The following RBFOX1 variants were observed in gnomAD, a reference collection of about 807,000 sequenced individuals.
The protein encoded by RBFOX1 is RNA binding fox-1 homolog 1.
A neutral mutation model predicts 57.7 loss-of-function variants in RBFOX1; 8 were observed. That is an observed-to-expected ratio of 0.14 (90% CI 0.08 to 0.25). RBFOX1 has a LOEUF of 0.25. Among genes scored for constraint, RBFOX1 ranks in the 10% least tolerant of loss-of-function variants. RBFOX1 has a pLI of 1.00. For synonymous variants in RBFOX1, 326 were observed against 222.4 expected (o/e 1.47, Z -4.15); for missense variants, 611 against 548.5 (o/e 1.11, Z -1.14).
intron 3 of RBFOX1, among the ~76,000 whole-genome samples, chr16:6,663,773 G>T (rs975432933): frequency 2.0e-5 from 3 of 152,234 alleles, no homozygotes; most frequent in African/African-American, 7.2e-5. Flanking sequence ...GAGCATCCCT[G>T]AGAAAGGGTA....
chr16:6,517,376 C>T (rs1002760729), intron 2 of RBFOX1, among the ~76,000 whole-genome samples: 3 of 152,240 alleles, frequency 2.0e-5, no homozygotes, highest in African/African-American at 4.8e-5. Context: ...ACTGGAGGGT[C>T]GTCAATTAAT....
intron 14 of RBFOX1, among the ~76,000 whole-genome samples, chr16:7,699,115 G>A (rs191225224): frequency 4.1e-4 from 62 of 152,266 alleles, no homozygotes; most frequent in African/African-American, 1.4e-3. Flanking sequence ...CTGGAAATCT[G>A]CATTCTAACA....
At chr16:6,518,357 G>T (rs768055805) in intron 2 of RBFOX1, among the ~76,000 whole-genome samples, 1 of 152,146 alleles carries the variant, frequency 6.6e-6, no homozygotes, top group South Asian at 2.1e-4. Flanking sequence ...GAGATTCATG[G>T]CTCAAGGCTT....
At chr16:5,701,178 T>C (rs546313024) in intron 3 of RBFOX1, among the ~76,000 whole-genome samples, 8 of 152,348 alleles carry the variant, frequency 5.3e-5, no homozygotes, top group South Asian at 2.1e-4. Context: ...GTTTCTTGCA[T>C]TGCATTATTG....
chr16:7,482,490 TG>T (rs752156470), intron 4 of RBFOX1, among the ~76,000 whole-genome samples: 30,724 of 108,838 alleles, frequency 0.28, 4,781 homozygotes, highest in African/African-American at 0.49. Flanking sequence ...TTGTTGTTGT[TG>T]TTGTTTCTTA....
At chr16:5,380,357 C>T (rs2151389875) in intron 1 of RBFOX1, among the ~76,000 whole-genome samples, 1 of 152,336 alleles carries the variant, frequency 6.6e-6, no homozygotes, top group Non-Finnish European at 1.5e-5. Context: ...GCGGTTAGAA[C>T]AAGAGATACA....
At chr16:6,877,485 A>T (rs572458604) in intron 3 of RBFOX1, among the ~76,000 whole-genome samples, 1 of 152,288 alleles carries the variant, frequency 6.6e-6, no homozygotes, top group Non-Finnish European at 1.5e-5. Flanking sequence ...CAGACCATAA[A>T]ATGCCTACTT....
intron 1 of RBFOX1, among the ~76,000 whole-genome samples, chr16:6,078,321 A>T (rs1383403839): frequency 6.6e-6 from 1 of 152,178 alleles, no homozygotes; most frequent in Non-Finnish European, 1.5e-5. Flanking sequence ...CATGTCCCCC[A>T]CAGGGTGCAT....
intron 3 of RBFOX1, among the ~76,000 whole-genome samples, chr16:6,892,537 G>T (rs911096675): frequency 1.3e-5 from 2 of 152,082 alleles, no homozygotes; most frequent in Non-Finnish European, 2.9e-5. Flanking sequence ...GCGCATGGTG[G>T]CACACACCTG....
At chr16:6,069,192 A>G (rs1178388014) in intron 1 of RBFOX1, among the ~76,000 whole-genome samples, 1 of 152,030 alleles carries the variant, frequency 6.6e-6, no homozygotes, top group Non-Finnish European at 1.5e-5. Flanking sequence ...TGAGGTCGGG[A>G]GTTGGAGACC....
At chr16:7,144,761 C>T (rs577621062) in intron 4 of RBFOX1, among the ~76,000 whole-genome samples, 4 of 152,158 alleles carry the variant, frequency 2.6e-5, no homozygotes, top group South Asian at 4.2e-4. Context: ...TGTTTTCCTG[C>T]ATCACTATGA....
At chr16:5,315,043 G>C (rs535071492) in intron 1 of RBFOX1, among the ~76,000 whole-genome samples, 5 of 152,268 alleles carry the variant, frequency 3.3e-5, no homozygotes, top group African/African-American at 9.6e-5. Flanking sequence ...TGTGCCAGCT[G>C]TTCAGAGGAA....
chr16:7,133,901 A>G (rs1213663681), intron 4 of RBFOX1, among the ~76,000 whole-genome samples: 4 of 152,210 alleles, frequency 2.6e-5, no homozygotes, highest in Non-Finnish European at 5.9e-5. Context: ...CAGAAAAACA[A>G]CATCAGTTCC....
intron 4 of RBFOX1, among the ~76,000 whole-genome samples, chr16:5,925,844 G>A (rs1001668200): frequency 1.3e-5 from 2 of 152,068 alleles, no homozygotes; most frequent in African/African-American, 4.8e-5. Context: ...ATAACTACCT[G>A]GGCCCCTCTC....
chr16:5,402,993 C>T (rs1444164986), intron 1 of RBFOX1, among the ~76,000 whole-genome samples: 1 of 152,126 alleles, frequency 6.6e-6, no homozygotes, highest in Admixed American at 6.5e-5. Context: ...ATACTGTGTC[C>T]CAACATGTGC....
intron 2 of RBFOX1, among the ~76,000 whole-genome samples, chr16:5,569,855 G>T (rs2046218134): frequency 6.6e-6 from 1 of 152,054 alleles, no homozygotes. Flanking sequence ...GGATAGTTTA[G>T]GGTTCATCTT....
chr16:6,108,196 T>C (rs2096404817), intron 1 of RBFOX1, among the ~76,000 whole-genome samples: 1 of 152,180 alleles, frequency 6.6e-6, no homozygotes. Flanking sequence ...TACATGTCTC[T>C]GTTGTTTTTT....
chr16:6,526,291 GA>G (rs1399740247), intron 2 of RBFOX1, among the ~76,000 whole-genome samples: 1 of 152,164 alleles, frequency 6.6e-6, no homozygotes, highest in African/African-American at 2.4e-5. Flanking sequence ...TTATGATTGG[GA>G]CAAGCGGAGC....
intron 1 of RBFOX1, among the ~76,000 whole-genome samples, chr16:6,145,062 G>A (rs1169772849): frequency 6.6e-6 from 1 of 151,668 alleles, no homozygotes; most frequent in Non-Finnish European, 1.5e-5. Context: ...AAGTTCATGG[G>A]CACAAGTGCA....
Sources: gnomAD v4.1 joint callset for allele counts (sites outside exome capture counted in the v4.1 genomes callset) on GRCh38, gnomAD v4.1.1 for gene constraint, MANE v1.5 for transcripts, NCBI Gene and HGNC (gene_info 2026-07-23, HGNC 2026-07-21) for gene names.